The following PTPRT variants were observed in gnomAD, a reference collection of about 807,000 sequenced individuals.
PTPRT encodes the protein receptor-type tyrosine-protein phosphatase T.
In PTPRT, 56 loss-of-function variants were observed where a neutral mutation model predicts 176.8. The ratio of observed to expected loss-of-function variants is 0.32; its 90% CI spans 0.26 to 0.40. The LOEUF (loss-of-function observed/expected upper bound fraction) is 0.40, where lower values mean the gene tolerates loss of function less well. PTPRT is among the 10% of genes least tolerant of loss of function. The pLI, the probability that PTPRT is intolerant of heterozygous loss-of-function variation, is 1.00. For missense variants in PTPRT, 1,540 were observed against 1,908.2 expected (o/e 0.81, Z 3.60); for synonymous variants, 783 against 739.0 (o/e 1.06, Z -0.96).
chr20:43,100,379 T>TA (rs972182573), intron 1 of PTPRT, among the ~76,000 whole-genome samples: 14 of 151,368 alleles, frequency 9.2e-5, no homozygotes, highest in African/African-American at 3.4e-4. Context: ...TGTCTCAATT[T>TA]AAAAAAAAGA....
At chr20:42,944,165 T>G (rs1306170780) in intron 1 of PTPRT, among the ~76,000 whole-genome samples, 1 of 152,172 alleles carries the variant, frequency 6.6e-6, no homozygotes, top group Non-Finnish European at 1.5e-5. Context: ...CACTGAGTCA[T>G]GAAGACTTCT....
chr20:43,041,776 A>G (rs1986616935), intron 1 of PTPRT, among the ~76,000 whole-genome samples: 1 of 152,204 alleles, frequency 6.6e-6, no homozygotes. Context: ...TTTTGTAAAT[A>G]AAGTTTTATT....
intron 1 of PTPRT, among the ~76,000 whole-genome samples, chr20:42,897,984 C>G (rs2079332813): frequency 6.6e-6 from 1 of 152,186 alleles, no homozygotes; most frequent in East Asian, 1.9e-4. Flanking sequence ...CTGGCATAAT[C>G]TCACCAAACA....
rs115713255 is a variant in PTPRT, at chr20:43,061,039, G to A, written c.88+128607C>T. 9.6e-3 allele frequency among the ~76,000 whole-genome samples: 1,454 copies of A among 152,142 alleles called. 13 individuals carry two copies. The highest frequency in any genetic ancestry group is 0.033 in the African/African-American group (1,352 of 41,508). On this transcript the variant is annotated intron_variant, in intron 1 of 30. Coordinates refer to ENST00000373187, the MANE Select transcript of PTPRT (RefSeq NM_007050.6). ...AGATATCTAGATAGCCAGATCTGTAGGTAGGTGGGTAAGTAGGAGGGTGGG... is the reference window on the plus strand; with the variant it reads ...AGATATCTAGATAGCCAGATCTGTAAGTAGGTGGGTAAGTAGGAGGGTGGG...
At chr20:42,391,687 A>G (rs16986829) in intron 9 of PTPRT, among the ~76,000 whole-genome samples, 10,431 of 152,270 alleles carry the variant, frequency 0.069, 448 homozygotes, top group African/African-American at 0.12. Flanking sequence ...TGGATGAGCC[A>G]CTAGCCACAA....
chr20:43,123,681 T>A (rs2013347719), intron 1 of PTPRT, among the ~76,000 whole-genome samples: 1 of 152,140 alleles, frequency 6.6e-6, no homozygotes, highest in African/African-American at 2.4e-5. Flanking sequence ...GAGGCAGAAA[T>A]CAATTTTTAT....
rs1287847433 is a variant in PTPRT, at chr20:42,079,282, C to G, written c.*1597G>C. On this transcript the variant is annotated 3_prime_UTR_variant, in exon 31 of 31. Coordinates refer to ENST00000373187, the MANE Select transcript of PTPRT (RefSeq NM_007050.6). ...GCATCAGGAAGAAAGTACTAAATTT[C>G]CATTTGTGGAGTTATCTGCTCAGAA... 4.8e-6 allele frequency: 1 copy of G among 207,592 alleles called. No individual in the cohort carries two copies. Among genetic ancestry groups the G allele is most frequent in the African/African-American group, 2.3e-5 (1 of 43,836 alleles). The allele number at this position is 207,592 out of a possible 1,614,324, so 12.9% of individuals were successfully genotyped here.
Position 42,944,227 on chromosome 20 carries a change from G to C in PTPRT, c.89-58295C>G, listed in dbSNP as rs181333976. 1.7e-3 allele frequency among the ~76,000 whole-genome samples: 266 copies of C among 152,190 alleles called. 3 individuals are homozygous for C. In the East Asian group the frequency reaches 0.039, roughly 22 times the overall value. On this transcript the variant is annotated intron_variant, in intron 1 of 30. Coordinates refer to ENST00000373187, the MANE Select transcript of PTPRT (RefSeq NM_007050.6). ...AAACATCACAGTTTAGGATTTTAGA[G>C]CCGGGGGGCGGAAAGTGCTTCTGCT...
chr20:42,375,664 C>A (rs1312843281), intron 9 of PTPRT, among the ~76,000 whole-genome samples: 2 of 151,920 alleles, frequency 1.3e-5, no homozygotes, highest in African/African-American at 4.8e-5. Flanking sequence ...AACAAAGGAA[C>A]TAAGAGAGGT....
chr20:42,752,421 G>A (rs757814987), intron 6 of PTPRT, among the ~76,000 whole-genome samples: 2 of 152,190 alleles, frequency 1.3e-5, no homozygotes, highest in African/African-American at 2.4e-5. Context: ...CAAGGTCACA[G>A]AGTTGGGACA....
At chr20:42,505,464 G>A (rs891757339) in intron 7 of PTPRT, among the ~76,000 whole-genome samples, 2 of 151,992 alleles carry the variant, frequency 1.3e-5, no homozygotes, top group African/African-American at 4.8e-5. Flanking sequence ...ACCATGCCTG[G>A]GTAATTTTTG....
chr20:42,140,207 T>A (rs1432180177), intron 18 of PTPRT, among the ~76,000 whole-genome samples: 1 of 151,912 alleles, frequency 6.6e-6, no homozygotes, highest in East Asian at 1.9e-4. Flanking sequence ...GTGCTAGAAA[T>A]AATTTGTCAT....
rs10470045 is a variant in PTPRT, at chr20:42,753,193, G to T, written c.859+3269C>A. 8.2e-3 allele frequency among the ~76,000 whole-genome samples: 1,254 copies of T among 152,182 alleles called. 12 individuals carry two copies. Among genetic ancestry groups the T allele is most frequent in the African/African-American group, 0.028 (1,178 of 41,500 alleles). On this transcript the variant is annotated intron_variant, in intron 6 of 30. Coordinates refer to ENST00000373187, the MANE Select transcript of PTPRT (RefSeq NM_007050.6). Reference sequence around the variant, plus strand: ...CACAACCCACCAGCCCTCCAGGTGTGACCAAACAGCATGAGCCAGATGCAG... The same window carrying T: ...CACAACCCACCAGCCCTCCAGGTGTTACCAAACAGCATGAGCCAGATGCAG...
intron 8 of PTPRT, among the ~76,000 whole-genome samples, chr20:42,455,393 T>C (rs2070904245): frequency 6.6e-6 from 1 of 152,170 alleles, no homozygotes; most frequent in African/African-American, 2.4e-5. Flanking sequence ...TGTTTCACTT[T>C]CCCTCTTTCT....
intron 2 of PTPRT, among the ~76,000 whole-genome samples, chr20:42,801,463 T>C (rs1478098516): frequency 6.6e-6 from 1 of 152,138 alleles, no homozygotes; most frequent in African/African-American, 2.4e-5. Flanking sequence ...CCTCCACCAG[T>C]CTCCTTATGA....
intron 1 of PTPRT, among the ~76,000 whole-genome samples, chr20:43,134,551 A>G (rs1309269003): frequency 6.6e-6 from 1 of 152,066 alleles, no homozygotes; most frequent in Non-Finnish European, 1.5e-5. Context: ...CTTGGCTATA[A>G]ATCTCCTCTT....
intron 7 of PTPRT, among the ~76,000 whole-genome samples, chr20:42,480,641 A>G (rs931861138): frequency 1.3e-5 from 2 of 152,194 alleles, no homozygotes; most frequent in African/African-American, 2.4e-5. Flanking sequence ...ATGAAGCTTG[A>G]TAAGTCTTTT....
intron 1 of PTPRT, among the ~76,000 whole-genome samples, chr20:43,136,198 AATC>A (rs1377789364): frequency 2.0e-5 from 3 of 152,206 alleles, no homozygotes; most frequent in Admixed American, 6.5e-5. Flanking sequence ...CAGTTTTATG[AATC>A]ATTCTGTAGC....
chr20:42,742,343 C>A (rs756504953), intron 6 of PTPRT, among the ~76,000 whole-genome samples: 1 of 152,210 alleles, frequency 6.6e-6, no homozygotes, highest in South Asian at 2.1e-4. Context: ...CAGAGCCTCC[C>A]TGCAGTAGCA....
Sources: allele counts gnomAD v4.1 joint callset (sites outside exome capture counted in the v4.1 genomes callset), GRCh38; gene constraint gnomAD v4.1.1; transcripts MANE v1.5; gene names NCBI Gene and HGNC (gene_info 2026-07-23, HGNC 2026-07-21).